Variants in RABGAP1L observed in about 807,000 individuals in gnomAD.
The protein encoded by RABGAP1L is rab GTPase-activating protein 1-like.
Under a neutral mutation model 137.7 loss-of-function variants are expected in RABGAP1L, and 63 were observed. The ratio of observed to expected loss-of-function variants is 0.46; its 90% CI spans 0.37 to 0.56. RABGAP1L has a LOEUF of 0.56. RABGAP1L is among the 20% of genes least tolerant of loss of function. The probability of loss-of-function intolerance (pLI) is 0.00; values close to 1 mark genes in which losing one functional copy is unlikely to be tolerated. For synonymous variants in RABGAP1L, 431 were observed against 433.7 expected, an observed-to-expected ratio of 0.99 and a Z score of 0.08; for missense variants, 1,095 against 1,244.0, an observed-to-expected ratio of 0.88 and a Z score of 1.80.
chr1:174,270,065 T>G (rs973149163), intron 7 of RABGAP1L, among the ~76,000 whole-genome samples: 18 of 152,316 alleles, frequency 1.2e-4, no homozygotes, highest in African/African-American at 3.8e-4. Context: ...TAATACAGCT[T>G]GACAGAAAAT....
chr1:174,684,055 A>G (rs1011426569), intron 15 of RABGAP1L, among the ~76,000 whole-genome samples: 4 of 152,240 alleles, frequency 2.6e-5, no homozygotes, highest in East Asian at 1.9e-4. Context: ...AAGATGAATC[A>G]TTTATAATTT....
intron 21 of RABGAP1L, among the ~76,000 whole-genome samples, chr1:174,975,276 T>A (rs10489333): frequency 0.11 from 16,325 of 152,104 alleles, 953 homozygotes; most frequent in East Asian, 0.23. Context: ...TTAAGGGAAA[T>A]ATGAGAGATT....
intron 13 of RABGAP1L, among the ~76,000 whole-genome samples, chr1:174,550,857 A>AATAC (rs1448850170): frequency 1.6e-5 from 1 of 61,830 alleles, no homozygotes; most frequent in African/African-American, 9.1e-5. Flanking sequence ...GTCTCTGCTA[A>AATAC]ATATATATAT....
intron 11 of RABGAP1L, among the ~76,000 whole-genome samples, chr1:174,333,065 A>G (rs1372802187): frequency 6.6e-6 from 1 of 152,274 alleles, no homozygotes; most frequent in African/African-American, 2.4e-5. Context: ...TAAGCCAGGC[A>G]GAGAGACACA....
chr1:174,849,121 A>G (rs1339642376), intron 19 of RABGAP1L, among the ~76,000 whole-genome samples: 4 of 152,102 alleles, frequency 2.6e-5, no homozygotes, highest in Non-Finnish European at 5.9e-5. Context: ...GCCTGCGCCC[A>G]CTGTCTGGCA....
intron 19 of RABGAP1L, among the ~76,000 whole-genome samples, chr1:174,871,353 C>T (rs1324692522): frequency 2.0e-5 from 3 of 152,060 alleles, no homozygotes; most frequent in South Asian, 4.2e-4. Flanking sequence ...AAGCTGGTCT[C>T]GAACTCCTGA....
chr1:174,613,531 C>T (rs1199537090), intron 13 of RABGAP1L, among the ~76,000 whole-genome samples: 2 of 152,116 alleles, frequency 1.3e-5, no homozygotes, highest in African/African-American at 4.8e-5. Context: ...AATGTATATT[C>T]TGTTGATTTG....
chr1:174,846,178 C>T (rs1383453405), intron 19 of RABGAP1L, among the ~76,000 whole-genome samples: 1 of 150,060 alleles, frequency 6.7e-6, no homozygotes, highest in African/African-American at 2.5e-5. Context: ...AAAAAACCAG[C>T]TCCTGGATTC....
At chr1:174,410,023 T>G (rs952834592) in intron 13 of RABGAP1L, among the ~76,000 whole-genome samples, 1 of 152,176 alleles carries the variant, frequency 6.6e-6, no homozygotes, top group Non-Finnish European at 1.5e-5. Flanking sequence ...TGTTATCCTT[T>G]TTGCCCTTTG....
At chr1:174,251,623 A>G (rs186734017) in intron 6 of RABGAP1L, among the ~76,000 whole-genome samples, 2 of 152,346 alleles carry the variant, frequency 1.3e-5, no homozygotes, top group African/African-American at 2.4e-5. Flanking sequence ...TTAATTTGTA[A>G]GAATAGTCTA....
chr1:174,607,288 A>G (rs371779039), intron 13 of RABGAP1L, among the ~76,000 whole-genome samples: 5 of 152,178 alleles, frequency 3.3e-5, no homozygotes, highest in African/African-American at 1.2e-4. Context: ...TTCATGAAAT[A>G]TTATCATGCC....
chr1:174,540,482 G>A (rs557159478), intron 13 of RABGAP1L, among the ~76,000 whole-genome samples: 53 of 152,290 alleles, frequency 3.5e-4, no homozygotes, highest in South Asian at 2.5e-3. Context: ...AAGGTATACG[G>A]AAGGGATCCA....
intron 11 of RABGAP1L, among the ~76,000 whole-genome samples, chr1:174,322,375 A>G (rs573186268): frequency 2.0e-5 from 3 of 152,268 alleles, no homozygotes; most frequent in African/African-American, 7.2e-5. Context: ...AGACTTTCTC[A>G]TGAAGAATCA....
chr1:174,241,151 C>G (rs1476077140), intron 4 of RABGAP1L, among the ~76,000 whole-genome samples: 1 of 152,032 alleles, frequency 6.6e-6, no homozygotes, highest in African/African-American at 2.4e-5. Context: ...AAAACCCTGT[C>G]TCTACAAGAA....
chr1:174,449,897 T>C (rs1040978837), intron 13 of RABGAP1L, among the ~76,000 whole-genome samples: 11 of 152,186 alleles, frequency 7.2e-5, no homozygotes, highest in African/African-American at 2.7e-4. Flanking sequence ...CTGTTTTTTT[T>C]CTCTCTTTTT....
At chr1:174,879,163 C>T (rs1380650186) in intron 19 of RABGAP1L, among the ~76,000 whole-genome samples, 4 of 150,296 alleles carry the variant, frequency 2.7e-5, no homozygotes, top group Admixed American at 6.7e-5. Context: ...TGCAATGGCA[C>T]GATCTCAGAT....
At chr1:174,713,442 A>C (rs1343885725) in intron 17 of RABGAP1L, among the ~76,000 whole-genome samples, 2 of 152,168 alleles carry the variant, frequency 1.3e-5, no homozygotes, top group Non-Finnish European at 2.9e-5. Context: ...GAGGTATTGG[A>C]TGATGGGGGC....
intron 13 of RABGAP1L, among the ~76,000 whole-genome samples, chr1:174,635,042 AAATAAT>A (rs1309741497): frequency 8.6e-5 from 13 of 151,518 alleles, no homozygotes; most frequent in African/African-American, 2.7e-4. Context: ...ATAAAAAATA[AAATAAT>A]AATAAAATAA....
At chr1:174,849,691 C>G (rs1647910200) in intron 19 of RABGAP1L, 3 of 433,180 alleles carry the variant, frequency 6.9e-6, no homozygotes, top group African/African-American at 4.1e-5. Context: ...GTATTGCTTT[C>G]TTGTCTTCAG....
Sources: allele counts gnomAD v4.1 joint callset (sites outside exome capture counted in the v4.1 genomes callset), GRCh38; gene constraint gnomAD v4.1.1; transcripts MANE v1.5; gene names NCBI Gene and HGNC (gene_info 2026-07-23, HGNC 2026-07-21).